SH3BGRL2: variants seen among roughly 807,000 people sequenced by gnomAD.
SH3BGRL2 encodes the protein SH3 domain-binding glutamic acid-rich-like protein 2.
Under a neutral mutation model 14.8 loss-of-function variants are expected in SH3BGRL2, and 21 were observed. The observed-to-expected ratio is 1.42, with a 90% confidence interval of 1.01 to 2.05. The LOEUF is 2.05. SH3BGRL2 is among the 30% of genes most tolerant of loss of function. The pLI is 0.00. For synonymous variants in SH3BGRL2, 50 were observed against 47.8 expected (o/e 1.05, Z -0.19); for missense variants, 147 against 130.8 (o/e 1.12, Z -0.61).
At chr6:79,699,463 C>CT (rs35728679) in intron 3 of SH3BGRL2, 35 bp from the exon 4 acceptor site, 34,341 of 876,166 alleles carry the variant, frequency 0.039, 1,116 homozygotes, top group African/African-American at 0.053. Flanking sequence ...CAATAACTGA[C>CT]TTTTTTTTTT....
chr6:79,608,207 A>C, the SH3BGRL2 span, among the ~76,000 whole-genome samples: 1 of 152,140 alleles, frequency 6.6e-6, no homozygotes, highest in African/African-American at 2.4e-5. Flanking sequence ...CTCCTCTAAC[A>C]CTGAGGATTA....
intron 1 of SH3BGRL2, among the ~76,000 whole-genome samples, chr6:79,636,156 A>G (rs1768917281): frequency 6.6e-6 from 1 of 152,176 alleles, no homozygotes; most frequent in Non-Finnish European, 1.5e-5. Flanking sequence ...CCCATTTTCC[A>G]GAGGAAGAGA....
At chr6:79,688,843 A>G (rs993064968) in intron 2 of SH3BGRL2, among the ~76,000 whole-genome samples, 2 of 152,118 alleles carry the variant, frequency 1.3e-5, no homozygotes, top group African/African-American at 2.4e-5. Context: ...ACTTATCTCT[A>G]TCATATCTAC....
At chr6:79,643,718 CT>C (rs1443693027) in intron 1 of SH3BGRL2, among the ~76,000 whole-genome samples, 3 of 152,150 alleles carry the variant, frequency 2.0e-5, no homozygotes, top group African/African-American at 7.2e-5. Flanking sequence ...CTTTAAACAA[CT>C]TGCCTTGTCA....
chr6:79,601,438 C>G, the SH3BGRL2 span, among the ~76,000 whole-genome samples: 1 of 152,198 alleles, frequency 6.6e-6, no homozygotes, highest in South Asian at 2.1e-4. Context: ...TCAAGTCATC[C>G]ACCTGCCTTA....
the SH3BGRL2 span, among the ~76,000 whole-genome samples, chr6:79,538,292 T>C: frequency 6.6e-6 from 1 of 152,070 alleles, no homozygotes; most frequent in Admixed American, 6.6e-5. Flanking sequence ...GAATCTAATA[T>C]TTGAAGGCAA....
the SH3BGRL2 span, among the ~76,000 whole-genome samples, chr6:79,602,550 A>G: frequency 6.6e-6 from 1 of 152,194 alleles, no homozygotes; most frequent in Admixed American, 6.5e-5. Flanking sequence ...TTTGTAATTA[A>G]TATGCTTAAG....
At chr6:79,591,390 C>G in the SH3BGRL2 span, among the ~76,000 whole-genome samples, 7 of 151,974 alleles carry the variant, frequency 4.6e-5, no homozygotes, top group Non-Finnish European at 8.8e-5. Context: ...TCTTTTTATT[C>G]AAATTATCTT....
At position 79,701,036 on chromosome 6, in the gene SH3BGRL2, G is replaced by C. The variant is rs531246888; in HGVS notation, c.*1527G>C. The C allele has an allele frequency of 1.3e-5, 2 of 152,152 alleles. No individual in the cohort carries two copies. Among genetic ancestry groups the C allele is most frequent in the African/African-American group, 4.8e-5 (2 of 41,442 alleles). The allele number at this position is 152,152 out of a possible 1,614,324, so 9.4% of individuals were successfully genotyped here. ...TTGCTAAATGTAGACTAAAGAACTTGTTGAATGCTAAGGCTGAAATCCCAA... is the reference window on the plus strand; with the variant it reads ...TTGCTAAATGTAGACTAAAGAACTTCTTGAATGCTAAGGCTGAAATCCCAA... On this transcript the variant is annotated 3_prime_UTR_variant, in exon 4 of 4. Coordinates refer to ENST00000369838, the MANE Select transcript of SH3BGRL2 (RefSeq NM_031469.4).
chr6:79,558,221 C>G, the SH3BGRL2 span, among the ~76,000 whole-genome samples: 3 of 152,108 alleles, frequency 2.0e-5, no homozygotes, highest in African/African-American at 7.2e-5. Context: ...CTATAGACAG[C>G]TTGGCTCCAG....
the SH3BGRL2 span, among the ~76,000 whole-genome samples, chr6:79,549,759 G>C: frequency 6.6e-6 from 1 of 152,120 alleles, no homozygotes; most frequent in African/African-American, 2.4e-5. Flanking sequence ...TGAGTTAATA[G>C]ATACTGTCTA....
chr6:79,545,087 C>G, the SH3BGRL2 span, among the ~76,000 whole-genome samples: 1 of 152,154 alleles, frequency 6.6e-6, no homozygotes, highest in African/African-American at 2.4e-5. Flanking sequence ...ATGCTGAAGT[C>G]GTCAAGCTTC....
chr6:79,572,351 T>C, the SH3BGRL2 span, among the ~76,000 whole-genome samples: 478 of 152,332 alleles, frequency 3.1e-3, 8 homozygotes, highest in Non-Finnish European at 2.7e-3. Context: ...CTCACAAATA[T>C]ATTAAATTTC....
rs1554205364 is a variant in SH3BGRL2, at chr6:79,699,493, T to TA, written c.313-4dup. The stretch of plus-strand genomic sequence containing the variant: ...TTTTTTTTTTTTTTTTTTTTTTTTT[T>TA]ATAGGCAGAACCTTAGAGAAGAAGA... On this transcript the variant is annotated splice_polypyrimidine_tract_variant and splice_region_variant and intron_variant, in intron 3 of 3. Transcript: ENST00000369838. The TA allele has an allele frequency of 9.2e-6, 13 of 1,407,432 alleles. No homozygotes were observed. In the African/African-American group the frequency reaches 1.7e-4, roughly 19 times the overall value. The allele number at this position is 1,407,432 out of a possible 1,614,324, so 87.2% of individuals were successfully genotyped here.
the SH3BGRL2 span, among the ~76,000 whole-genome samples, chr6:79,582,734 T>C: frequency 6.6e-6 from 1 of 152,114 alleles, no homozygotes; most frequent in Admixed American, 6.5e-5. Context: ...GGCAAGGACT[T>C]CATGACTAAA....
At chr6:79,559,500 A>T in the SH3BGRL2 span, among the ~76,000 whole-genome samples, 2 of 152,232 alleles carry the variant, frequency 1.3e-5, no homozygotes, top group Admixed American at 6.5e-5. Flanking sequence ...TGTCAATATT[A>T]TAAAAGACAA....
the SH3BGRL2 span, among the ~76,000 whole-genome samples, chr6:79,567,742 AT>A: frequency 2.0e-5 from 3 of 152,258 alleles, no homozygotes; most frequent in Non-Finnish European, 4.4e-5. Context: ...AAAGAGATAA[AT>A]ACAACTATCA....
In SH3BGRL2 at chr6:79,699,463, C is replaced by CTTTTTTT. The variant is rs35728679; in HGVS notation, c.313-11_313-5dup. On this transcript the variant is annotated intron_variant, in intron 3 of 3. Coordinates refer to ENST00000369838, the MANE Select transcript of SH3BGRL2 (RefSeq NM_031469.4). ...CTTGTCGATGTAATGCAATAACTGA[C>CTTTTTTT]TTTTTTTTTTTTTTTTTTTTTTTTT... 1.2e-4 allele frequency: 103 copies of CTTTTTTT among 880,986 alleles called. 2 individuals are homozygous for CTTTTTTT. The highest frequency in any genetic ancestry group is 6.4e-4 in the Admixed American group (15 of 23,364). The allele number at this position is 880,986 out of a possible 1,614,324, so 54.6% of individuals were successfully genotyped here.
the SH3BGRL2 span, among the ~76,000 whole-genome samples, chr6:79,616,046 C>T: frequency 2.6e-5 from 4 of 151,962 alleles, no homozygotes; most frequent in Non-Finnish European, 5.9e-5. Context: ...AAATTCCCGA[C>T]CTCAGGTGAT....
Sources: allele counts gnomAD v4.1 joint callset (sites outside exome capture counted in the v4.1 genomes callset), GRCh38; gene constraint gnomAD v4.1.1; transcripts MANE v1.5; gene names NCBI Gene and HGNC (gene_info 2026-07-23, HGNC 2026-07-21).